KIAA0825: variants seen among roughly 807,000 people sequenced by gnomAD.
KIAA0825 encodes KIAA0825.
Under a neutral mutation model 147.6 loss-of-function variants are expected in KIAA0825, and 119 were observed. The ratio of observed to expected loss-of-function variants is 0.81; its 90% confidence interval spans 0.69 to 0.94. The LOEUF is 0.94. KIAA0825 is among the 40% of genes least tolerant of loss of function. The probability of loss-of-function intolerance (pLI) is 0.00; values close to 1 mark genes in which losing one functional copy is unlikely to be tolerated. For missense variants in KIAA0825, 1,381 were observed against 1,472.7 expected, an observed-to-expected ratio of 0.94 and a Z score of 1.02; for synonymous variants, 470 against 518.1, an observed-to-expected ratio of 0.91 and a Z score of 1.26.
chr5:94,544,855 A>G (rs958821210), intron 2 of KIAA0825, among the ~76,000 whole-genome samples: 16 of 152,262 alleles, frequency 1.1e-4, no homozygotes, highest in African/African-American at 3.9e-4. Context: ...ACCAAATTTT[A>G]ACAACTAAGT....
chr5:94,291,895 T>C (rs926263817), intron 20 of KIAA0825, among the ~76,000 whole-genome samples: 3 of 152,216 alleles, frequency 2.0e-5, no homozygotes, highest in African/African-American at 7.2e-5. Flanking sequence ...AGTTCACTCA[T>C]GATTTGGCTC....
chr5:94,462,699 A>G (rs759062027), intron 11 of KIAA0825, 130 bp from the exon 12 acceptor site: 2 of 487,070 alleles, frequency 4.1e-6, no homozygotes, highest in Non-Finnish European at 7.1e-6. Context: ...CCAGAACTTC[A>G]GAGATCTAAA....
chr5:94,189,743 ATTGT>A (rs1770490540), intron 20 of KIAA0825, among the ~76,000 whole-genome samples: 2 of 152,180 alleles, frequency 1.3e-5, no homozygotes, highest in Non-Finnish European at 2.9e-5. Flanking sequence ...CCTTTTCAAA[ATTGT>A]TTGGTCATTC....
intron 1 of KIAA0825, among the ~76,000 whole-genome samples, chr5:94,588,356 C>A (rs962000732): frequency 1.3e-5 from 2 of 151,486 alleles, no homozygotes; most frequent in African/African-American, 4.8e-5. Context: ...GAAAAAAAGT[C>A]CCCATCAAAA....
intron 20 of KIAA0825, among the ~76,000 whole-genome samples, chr5:94,252,703 T>C (rs72771630): frequency 0.057 from 8,607 of 152,034 alleles, 286 homozygotes; most frequent in South Asian, 0.11. Flanking sequence ...GAACCTCATT[T>C]TATGAATAGA....
At chr5:94,317,908 A>G (rs1015565845) in intron 20 of KIAA0825, among the ~76,000 whole-genome samples, 3 of 151,888 alleles carry the variant, frequency 2.0e-5, no homozygotes, top group Non-Finnish European at 4.4e-5. Context: ...TAATCTTACA[A>G]TGCCTCATGT....
chr5:94,350,144 T>C (rs1274489292), intron 20 of KIAA0825, among the ~76,000 whole-genome samples: 2 of 152,268 alleles, frequency 1.3e-5, no homozygotes, highest in East Asian at 1.9e-4. Context: ...AAGGCTACTA[T>C]GAACACCTTT....
intron 20 of KIAA0825, among the ~76,000 whole-genome samples, chr5:94,329,627 A>G (rs1227451990): frequency 1.3e-5 from 2 of 152,194 alleles, no homozygotes; most frequent in African/African-American, 4.8e-5. Flanking sequence ...GACAAAATAA[A>G]AAACAAAACA....
At chr5:94,577,056 C>T (rs1458963808) in intron 2 of KIAA0825, among the ~76,000 whole-genome samples, 2 of 152,210 alleles carry the variant, frequency 1.3e-5, no homozygotes, top group Non-Finnish European at 2.9e-5. Context: ...CTTGCTCTTA[C>T]ATTTTCTATT....
chr5:94,193,099 G>A (rs886367673), intron 20 of KIAA0825, among the ~76,000 whole-genome samples: 4 of 152,138 alleles, frequency 2.6e-5, no homozygotes, highest in African/African-American at 7.2e-5. Context: ...GAAAAGGGTA[G>A]GTCTCAAAAA....
Position 94,543,973 on chromosome 5 carries a change from A to G in KIAA0825, c.-1-6846T>C, listed in dbSNP as rs553465578. 2.0e-5 allele frequency among the ~76,000 whole-genome samples: 3 copies of G among 152,362 alleles called. No homozygotes were observed. The East Asian group carries it at 5.8e-4, about 29-fold the overall frequency. ...CAAGAAATAACCATAAAAATGGGCAACTAGCAGCCCACGGGTCTGCTCTGT... is the reference window on the plus strand; with the variant it reads ...CAAGAAATAACCATAAAAATGGGCAGCTAGCAGCCCACGGGTCTGCTCTGT... On this transcript the variant is annotated intron_variant, in intron 2 of 20. Transcript: ENST00000682413.
chr5:94,483,396 C>T (rs929200468), intron 6 of KIAA0825, among the ~76,000 whole-genome samples: 3 of 151,870 alleles, frequency 2.0e-5, no homozygotes, highest in Non-Finnish European at 4.4e-5. Context: ...AAATCTTAGC[C>T]AGGCACGGTG....
chr5:94,240,558 A>T (rs1349462714), intron 20 of KIAA0825, among the ~76,000 whole-genome samples: 1 of 152,180 alleles, frequency 6.6e-6, no homozygotes, highest in Non-Finnish European at 1.5e-5. Context: ...TGAATTATTC[A>T]GCATCCAACT....
rs768071091 is a variant in KIAA0825 at position 94,156,964 on chromosome 5, G to A, written c.3711-2840C>T. 3.8e-4 allele frequency among the ~76,000 whole-genome samples: 58 copies of A among 151,422 alleles called. 1 individual carries two copies. Among genetic ancestry groups the A allele is most frequent in the Non-Finnish European group, 4.7e-4 (32 of 67,840 alleles). On this transcript the variant is annotated intron_variant, in intron 20 of 20. Coordinates refer to ENST00000682413, the MANE Select transcript of KIAA0825 (RefSeq NM_001145678.3). The stretch of plus-strand genomic sequence containing the variant: ...TGGTTTTGGGTTTTGTTAACACAAT[G>A]CAAAAACAACAAGTCAATTCTGTTA...
At chr5:94,504,487 G>A (rs1173151133) in intron 5 of KIAA0825, among the ~76,000 whole-genome samples, 8 of 152,176 alleles carry the variant, frequency 5.3e-5, no homozygotes, top group East Asian at 1.9e-4. Context: ...AATAGTCTGC[G>A]CTCCTTTATT....
chr5:94,354,267 A>C (rs1784013051), intron 20 of KIAA0825, among the ~76,000 whole-genome samples: 1 of 152,236 alleles, frequency 6.6e-6, no homozygotes, highest in Non-Finnish European at 1.5e-5. Flanking sequence ...AGTGGGCCAC[A>C]GATAAACTTC....
chr5:94,234,998 T>G (rs1183809660), intron 20 of KIAA0825, among the ~76,000 whole-genome samples: 1 of 150,942 alleles, frequency 6.6e-6, no homozygotes, highest in Non-Finnish European at 1.5e-5. Flanking sequence ...TCTCTCTCCC[T>G]CTCCTTGGGC....
intron 20 of KIAA0825, among the ~76,000 whole-genome samples, chr5:94,192,235 G>C (rs1770735334): frequency 6.6e-6 from 1 of 152,140 alleles, no homozygotes; most frequent in Non-Finnish European, 1.5e-5. Flanking sequence ...AAGTTATTAG[G>C]ACAGCATCAT....
At chr5:94,601,772 C>T (rs569135390) in intron 1 of KIAA0825, among the ~76,000 whole-genome samples, 2 of 152,126 alleles carry the variant, frequency 1.3e-5, no homozygotes, top group South Asian at 2.1e-4. Flanking sequence ...CAGAATACTC[C>T]AACAGGAGGA....
Sources: allele counts gnomAD v4.1 joint callset (sites outside exome capture counted in the v4.1 genomes callset), GRCh38; gene constraint gnomAD v4.1.1; transcripts MANE v1.5; gene names NCBI Gene and HGNC (gene_info 2026-07-23, HGNC 2026-07-21).